DGKI: variants seen among roughly 807,000 people sequenced by gnomAD.
DGKI encodes the protein diacylglycerol kinase iota, also known as DAG kinase iota.
A neutral mutation model predicts 147.5 loss-of-function variants in DGKI; 55 were observed. The ratio of observed to expected loss-of-function variants is 0.37; its 90% CI spans 0.30 to 0.47. The LOEUF (loss-of-function observed/expected upper bound fraction) is 0.47, where lower values mean the gene tolerates loss of function less well. Among genes scored for constraint, DGKI ranks in the 20% least tolerant of loss-of-function variants. The pLI, the probability that DGKI is intolerant of heterozygous loss-of-function variation, is 1.00. For missense variants in DGKI, 1,007 were observed against 1,323.8 expected (o/e 0.76, Z 3.71); for synonymous variants, 469 against 477.1 (o/e 0.98, Z 0.22).
chr7:137,496,960 A>G (rs1213668975), intron 21 of DGKI, among the ~76,000 whole-genome samples: 1 of 152,154 alleles, frequency 6.6e-6, no homozygotes, highest in Non-Finnish European at 1.5e-5. Flanking sequence ...GACAAATAAG[A>G]CCTAATTAAA....
chr7:137,778,016 AC>A (rs1321666717), intron 1 of DGKI, among the ~76,000 whole-genome samples: 11 of 152,320 alleles, frequency 7.2e-5, no homozygotes, highest in African/African-American at 2.4e-4. Flanking sequence ...TAAGACATGG[AC>A]CCTACCAAGG....
chr7:137,460,975 A>G (rs767343962), intron 27 of DGKI, among the ~76,000 whole-genome samples: 1 of 152,180 alleles, frequency 6.6e-6, no homozygotes, highest in Non-Finnish European at 1.5e-5. Flanking sequence ...TTTTGTTTCA[A>G]TCTCTTCTTT....
intron 20 of DGKI, among the ~76,000 whole-genome samples, chr7:137,531,658 A>C (rs1585204105): frequency 6.6e-6 from 1 of 152,300 alleles, no homozygotes; most frequent in African/African-American, 2.4e-5. Flanking sequence ...CTTAAACTTA[A>C]TTGTTATTTA....
chr7:137,414,536 TAAA>T (rs60810063), intron 28 of DGKI, among the ~76,000 whole-genome samples: 10,712 of 146,098 alleles, frequency 0.073, 648 homozygotes, highest in African/African-American at 0.17. Context: ...GTGTTATGTG[TAAA>T]AAAAAAAAAA....
chr7:137,790,528 T>G (rs1212015995), intron 1 of DGKI, among the ~76,000 whole-genome samples: 2 of 152,216 alleles, frequency 1.3e-5, no homozygotes, highest in Non-Finnish European at 2.9e-5. Context: ...ATGCCTGGCA[T>G]GGGGCCCAAT....
chr7:137,609,031 G>C lies in DGKI; in HGVS notation c.1102C>G (p.Pro368Ala). The stretch of plus-strand genomic sequence containing the variant: ...GGTTTCATGAGAGGAGAAGAGATGG[G>C]TTTTATCACAAAAGGACGACCTTTG... ...ENKGRPFVIK[P>A]ISSPLMKPLL... is the part of the protein sequence containing the mutation. The change falls in exon 10 of 33, where the codon CCC (proline) becomes GCC (alanine). Residue 368 changes from proline (P) to alanine (A), a missense_variant. By Grantham distance (27) the Pro-to-Ala change is conservative. Coordinates refer to ENST00000614521, the MANE Select transcript of DGKI (RefSeq NM_001321708.2). 1.2e-6 allele frequency: 2 copies of C among 1,613,704 alleles called. No individual in the cohort carries two copies. Among genetic ancestry groups the C allele is most frequent in the Non-Finnish European group, 1.7e-6 (2 of 1,179,714 alleles).
intron 27 of DGKI, among the ~76,000 whole-genome samples, chr7:137,458,172 A>G (rs1026267795): frequency 3.9e-5 from 6 of 152,166 alleles, no homozygotes; most frequent in African/African-American, 1.4e-4. Flanking sequence ...CCTATTTCTT[A>G]GGGTAATCAC....
Position 137,577,211 on chromosome 7 carries a change from T to C in DGKI, c.1761+11A>G, listed in dbSNP as rs766129064. ...ATTCAAATTAAATAAATCAACATATTCAATACTTACAACAACTTTAACATG... is the reference window on the plus strand; with the variant it reads ...ATTCAAATTAAATAAATCAACATATCCAATACTTACAACAACTTTAACATG... On this transcript the variant is annotated intron_variant, in intron 17 of 32. Coordinates refer to ENST00000614521, the MANE Select transcript of DGKI (RefSeq NM_001321708.2). 2.5e-6 allele frequency: 4 copies of C among 1,570,268 alleles called. No individual in the cohort carries two copies. Among genetic ancestry groups the C allele is most frequent in the African/African-American group, 1.4e-5 (1 of 74,056 alleles).
At chr7:137,656,273 A>C (rs1787412191) in intron 4 of DGKI, among the ~76,000 whole-genome samples, 193 bp downstream of exon 4, 1 of 152,202 alleles carries the variant, frequency 6.6e-6, no homozygotes, top group South Asian at 2.1e-4. Flanking sequence ...ATATCAAATT[A>C]CACTTCAGCA....
At chr7:137,778,963 C>G (rs1391452879) in intron 1 of DGKI, among the ~76,000 whole-genome samples, 1 of 152,198 alleles carries the variant, frequency 6.6e-6, no homozygotes, top group Non-Finnish European at 1.5e-5. Flanking sequence ...AAATCCCAAT[C>G]ATAACTCCAG....
intron 1 of DGKI, among the ~76,000 whole-genome samples, chr7:137,766,378 T>C (rs779258412): frequency 3.3e-5 from 5 of 152,190 alleles, no homozygotes; most frequent in Non-Finnish European, 5.9e-5. Context: ...TTAAGTTTTT[T>C]TAAAAAGTAA....
chr7:137,598,031 G>A lies in DGKI; in HGVS notation c.1251-124C>T, dbSNP rs1310994490. On this transcript the variant is annotated intron_variant, in intron 11 of 32. Coordinates refer to ENST00000614521, the MANE Select transcript of DGKI (RefSeq NM_001321708.2). ...GCTGGAGAAAATGTGTAATCATGAG[G>A]ATGACAATGCTATCATAGGTCCCAA... The A allele has an allele frequency of 3.9e-6, 3 of 773,078 alleles. No individual in the cohort carries two copies. The African/African-American group carries it at 5.1e-5, about 13-fold the overall frequency. 47.9% of individuals were successfully genotyped at this position (773,078 alleles called of 1,614,324 possible).
chr7:137,837,896 G>A (rs938089327), intron 1 of DGKI, among the ~76,000 whole-genome samples: 2 of 151,528 alleles, frequency 1.3e-5, no homozygotes, highest in Non-Finnish European at 2.9e-5. Context: ...AGCTTCCTGT[G>A]TAACTTCAGA....
chr7:137,820,654 G>A (rs773515374), intron 1 of DGKI, among the ~76,000 whole-genome samples: 1 of 152,102 alleles, frequency 6.6e-6, no homozygotes, highest in Non-Finnish European at 1.5e-5. Flanking sequence ...CCAATCCCAA[G>A]GACAGTGTCT....
intron 28 of DGKI, among the ~76,000 whole-genome samples, chr7:137,417,111 T>C (rs189774362): frequency 6.6e-6 from 1 of 152,354 alleles, no homozygotes; most frequent in Non-Finnish European, 1.5e-5. Context: ...TGAGTTGTTA[T>C]GATTACAATA....
At chr7:137,825,285 CA>C (rs987959846) in intron 1 of DGKI, among the ~76,000 whole-genome samples, 3 of 152,090 alleles carry the variant, frequency 2.0e-5, no homozygotes, top group African/African-American at 7.2e-5. Flanking sequence ...CAATCTGTAC[CA>C]TTTATAAACC....
intron 1 of DGKI, among the ~76,000 whole-genome samples, chr7:137,754,702 T>C (rs1235177949): frequency 6.6e-6 from 1 of 152,126 alleles, no homozygotes; most frequent in African/African-American, 2.4e-5. Context: ...TATAAATAGA[T>C]CCACGACATG....
intron 30 of DGKI, among the ~76,000 whole-genome samples, chr7:137,405,908 G>A (rs755027094): frequency 2.6e-5 from 4 of 152,168 alleles, no homozygotes; most frequent in Non-Finnish European, 4.4e-5. Flanking sequence ...CCTCCTAAAT[G>A]AGACCAAGTG....
At chr7:137,796,590 T>C (rs964870513) in intron 1 of DGKI, among the ~76,000 whole-genome samples, 7 of 151,474 alleles carry the variant, frequency 4.6e-5, no homozygotes, top group Admixed American at 4.6e-4. Context: ...TCTCACCAAA[T>C]AGACAATTTC....
Sources: gnomAD v4.1 joint callset for allele counts (sites outside exome capture counted in the v4.1 genomes callset) on GRCh38, gnomAD v4.1.1 for gene constraint, MANE v1.5 for transcripts, NCBI Gene and HGNC (gene_info 2026-07-23, HGNC 2026-07-21) for gene names.